PARD3B: variants seen among roughly 807,000 people sequenced by gnomAD.
PARD3B encodes the protein partitioning defective 3 homolog B.
In PARD3B, 103 loss-of-function variants were observed where a neutral mutation model predicts 130.2. The observed-to-expected ratio is 0.79, with a 90% CI of 0.67 to 0.93. The LOEUF (loss-of-function observed/expected upper bound fraction) is 0.93, where lower values mean the gene tolerates loss of function less well. PARD3B is among the 40% of genes least tolerant of loss of function. PARD3B has a pLI of 0.00. For missense variants in PARD3B, 1,609 were observed against 1,499.2 expected (o/e 1.07, Z -1.21); for synonymous variants, 583 against 553.2 (o/e 1.05, Z -0.76).
At chr2:204,687,065 G>C (rs759066246) in intron 2 of PARD3B, among the ~76,000 whole-genome samples, 1 of 152,020 alleles carries the variant, frequency 6.6e-6, no homozygotes, top group African/African-American at 2.4e-5. Context: ...TTTGTACAAG[G>C]CTAATTTATA....
At chr2:204,602,921 A>G (rs1265604627) in intron 1 of PARD3B, among the ~76,000 whole-genome samples, 1 of 152,134 alleles carries the variant, frequency 6.6e-6, no homozygotes, top group Non-Finnish European at 1.5e-5. Context: ...ATTGACCAAC[A>G]CAATTGTTTC....
At chr2:205,493,246 T>C (rs903142859) in intron 20 of PARD3B, among the ~76,000 whole-genome samples, 1 of 152,280 alleles carries the variant, frequency 6.6e-6, no homozygotes, top group South Asian at 2.1e-4. Context: ...GACAGAACTA[T>C]GGTACTGTTA....
chr2:205,075,257 G>A (rs1335951892), intron 4 of PARD3B, among the ~76,000 whole-genome samples: 4 of 152,044 alleles, frequency 2.6e-5, no homozygotes, highest in Non-Finnish European at 5.9e-5. Context: ...CCGAAAGTTA[G>A]ACAATGCATT....
intron 1 of PARD3B, among the ~76,000 whole-genome samples, chr2:204,626,107 A>C (rs1449805182): frequency 1.3e-5 from 2 of 152,124 alleles, no homozygotes; most frequent in Non-Finnish European, 2.9e-5. Context: ...GGAGTACTTA[A>C]AATTTGGTAG....
intron 18 of PARD3B, among the ~76,000 whole-genome samples, chr2:205,306,372 G>T (rs1403052050): frequency 6.6e-6 from 1 of 152,130 alleles, no homozygotes; most frequent in Non-Finnish European, 1.5e-5. Flanking sequence ...AATGTATAAG[G>T]AAGAGTTTTT....
chr2:205,496,482 A>T (rs2049930221), intron 20 of PARD3B, among the ~76,000 whole-genome samples: 2 of 152,182 alleles, frequency 1.3e-5, no homozygotes, highest in South Asian at 2.1e-4. Flanking sequence ...AAAAATATTC[A>T]CACAAGGGAG....
At chr2:205,057,541 A>ATGTG (rs1699763529) in intron 4 of PARD3B, among the ~76,000 whole-genome samples, 1 of 128,728 alleles carries the variant, frequency 7.8e-6, no homozygotes, top group East Asian at 2.3e-4. Flanking sequence ...ACATATATGT[A>ATGTG]TATGTGTATA....
intron 2 of PARD3B, among the ~76,000 whole-genome samples, chr2:204,862,071 T>A (rs981067964): frequency 2.0e-5 from 3 of 152,182 alleles, no homozygotes; most frequent in African/African-American, 7.2e-5. Context: ...CATGTATGAC[T>A]GTTTTTACCA....
At chr2:205,256,358 C>G (rs1440683717) in intron 16 of PARD3B, among the ~76,000 whole-genome samples, 1 of 152,038 alleles carries the variant, frequency 6.6e-6, no homozygotes, top group African/African-American at 2.4e-5. Flanking sequence ...GTACCGTATA[C>G]CAGGCTCTTT....
intron 16 of PARD3B, among the ~76,000 whole-genome samples, chr2:205,296,709 C>T (rs1207433): frequency 6.6e-6 from 1 of 150,508 alleles, no homozygotes; most frequent in African/African-American, 2.5e-5. Context: ...TCATTCTTTT[C>T]ATAACGCTGT....
At chr2:205,364,588 T>C (rs1469200356) in intron 18 of PARD3B, among the ~76,000 whole-genome samples, 2 of 152,160 alleles carry the variant, frequency 1.3e-5, no homozygotes, top group African/African-American at 4.8e-5. Context: ...ATCTCTAAGA[T>C]TCATTTTGTT....
chr2:204,754,383 G>A (rs543522557), intron 2 of PARD3B, among the ~76,000 whole-genome samples: 1 of 152,274 alleles, frequency 6.6e-6, no homozygotes, highest in Admixed American at 6.5e-5. Context: ...TCGAAAGGCA[G>A]TCTTCCTGGG....
intron 2 of PARD3B, among the ~76,000 whole-genome samples, chr2:204,819,293 G>T (rs1468476361): frequency 6.6e-6 from 1 of 152,094 alleles, no homozygotes; most frequent in African/African-American, 2.4e-5. Flanking sequence ...GGTTATTCTT[G>T]CCATGTTTCA....
chr2:204,641,835 A>G (rs556454309), intron 1 of PARD3B, among the ~76,000 whole-genome samples: 17 of 152,324 alleles, frequency 1.1e-4, no homozygotes, highest in African/African-American at 3.4e-4. Context: ...ATCAGTGTCT[A>G]TTGTACTTCA....
intron 2 of PARD3B, among the ~76,000 whole-genome samples, chr2:204,786,711 A>T (rs2042021350): frequency 6.6e-6 from 1 of 151,028 alleles, no homozygotes; most frequent in Non-Finnish European, 1.5e-5. Flanking sequence ...GATTTTCTTT[A>T]GTGAGCGAAT....
intron 3 of PARD3B, among the ~76,000 whole-genome samples, chr2:205,002,080 A>G (rs1236180771): frequency 6.6e-6 from 1 of 152,180 alleles, no homozygotes; most frequent in Non-Finnish European, 1.5e-5. Context: ...CATATGACAC[A>G]TGTGAGTAGT....
In PARD3B at chr2:205,607,831, T is replaced by TACACACACACAC. The variant is rs776583001; in HGVS notation, c.3261-7587_3261-7576dup. ...TGGAGGCCCTCTCCCCCAACACCCA[T>TACACACACACAC]ACACACACACACACACACACACACA... On this transcript the variant is annotated intron_variant, in intron 22 of 22. Coordinates refer to ENST00000406610, the MANE Select transcript of PARD3B (RefSeq NM_001302769.2). Among the ~76,000 whole-genome samples, 566 of 116,168 alleles carry TACACACACACAC rather than the reference T, an allele frequency of 4.9e-3. 6 individuals are homozygous for TACACACACACAC. The highest frequency in any genetic ancestry group is 0.02 in the African/African-American group (497 of 24,518). 76.2% of individuals were successfully genotyped at this position (116,168 alleles called of 152,430 possible).
Position 205,440,563 on chromosome 2 carries a change from C to A in PARD3B, c.2935C>A (p.Pro979Thr). ...FRSPSPPRAG[P>T]FGYPRDGHPL... ...ATCTCCATCTCCCCCTCGAGCTGGA[C>A]CATTTGGTTACCCTCGGGATGGCCA... Residue 979 changes from proline (P) to threonine (T), a missense_variant, in exon 20 of 23, where the codon CCA becomes ACA. Coordinates refer to ENST00000406610, the MANE Select transcript of PARD3B (RefSeq NM_001302769.2). The surrounding 1 kb of genome is among the most constrained non-coding windows in gnomAD (Gnocchi z 4.2). 7 of 1,614,018 alleles carry A rather than the reference C, an allele frequency of 4.3e-6. No individual in the cohort carries two copies. The highest frequency in any genetic ancestry group is 5.9e-6 in the Non-Finnish European group (7 of 1,179,944).
intron 2 of PARD3B, among the ~76,000 whole-genome samples, chr2:204,913,179 T>G (rs530668382): frequency 6.6e-6 from 1 of 152,336 alleles, no homozygotes; most frequent in South Asian, 2.1e-4. Context: ...GTTTATAGAC[T>G]GGTTCCCACA....
Sources: gnomAD v4.1 joint callset for allele counts (sites outside exome capture counted in the v4.1 genomes callset) on GRCh38, gnomAD v4.1.1 for gene constraint, Gnocchi (gnomAD v3.1) non-coding constraint, MANE v1.5 for transcripts, NCBI Gene and HGNC (gene_info 2026-07-23, HGNC 2026-07-21) for gene names.